The following NCKAP5 variants were observed in gnomAD, a reference collection of about 807,000 sequenced individuals.
The protein encoded by NCKAP5 is nck-associated protein 5.
In NCKAP5, 92 loss-of-function variants were observed where a neutral mutation model predicts 167.0. The observed-to-expected ratio is 0.55, with a 90% CI of 0.47 to 0.66. The LOEUF is 0.66. Ranked by LOEUF, NCKAP5 falls within the 30% of genes least tolerant of loss-of-function variation. NCKAP5 has a pLI of 0.00. For missense variants in NCKAP5, 2,378 were observed against 2,315.0 expected (o/e 1.03, Z -0.56); for synonymous variants, 891 against 877.4 (o/e 1.02, Z -0.27).
rs1034600890 is a variant in NCKAP5 at position 133,200,043 on chromosome 2, T to C, written c.207+13673A>G. 4.8e-5 allele frequency among the ~76,000 whole-genome samples: 7 copies of C among 144,928 alleles called. No homozygotes were observed. In the East Asian group the frequency reaches 8.0e-4, roughly 16 times the overall value. ...AATGCAATTCCTATCAAAATCCCAG[T>C]TGGCTTTTTTTTTCTTTCTTTTTTT... is the stretch of plus-strand genomic sequence containing the variant. On this transcript the variant is annotated intron_variant, in intron 5 of 19. Coordinates refer to ENST00000409261, the MANE Select transcript of NCKAP5 (RefSeq NM_207363.3).
intron 11 of NCKAP5, among the ~76,000 whole-genome samples, chr2:132,859,423 T>G (rs1228278874): frequency 6.6e-6 from 1 of 152,160 alleles, no homozygotes; most frequent in Non-Finnish European, 1.5e-5. Context: ...CTTTCCACAA[T>G]GATGATAATG....
At chr2:133,627,131 C>A in the NCKAP5 span, among the ~76,000 whole-genome samples, 1 of 151,540 alleles carries the variant, frequency 6.6e-6, no homozygotes. Context: ...TCTTTAAAAA[C>A]AAAAAGCTAG....
chr2:133,072,533 A>G (rs1053801201), intron 6 of NCKAP5, among the ~76,000 whole-genome samples: 3 of 152,164 alleles, frequency 2.0e-5, no homozygotes, highest in African/African-American at 7.2e-5. Context: ...AGAGCCAGGT[A>G]CTTACAAGGA....
intron 4 of NCKAP5, among the ~76,000 whole-genome samples, chr2:133,288,124 G>T (rs183229334): frequency 6.6e-6 from 1 of 152,182 alleles, no homozygotes; most frequent in African/African-American, 2.4e-5. Flanking sequence ...TGACTTCCTG[G>T]ATAACCAATT....
intron 16 of NCKAP5, among the ~76,000 whole-genome samples, chr2:132,770,093 G>T (rs1681892148): frequency 6.6e-6 from 1 of 152,170 alleles, no homozygotes; most frequent in Admixed American, 6.5e-5. Context: ...AAGTAGGCTT[G>T]ATCCTGTCCT....
rs1265794750 is a variant in NCKAP5 at position 132,781,145 on chromosome 2, G to A, written c.4956C>T (p.Gly1652=). The A allele has an allele frequency of 1.2e-6, 2 of 1,613,928 alleles. No individual in the cohort carries two copies. The highest frequency in any genetic ancestry group is 1.7e-6 in the Non-Finnish European group (2 of 1,179,872). ...TGATAGAGCTGCCGATGAGACAGGAGCCCTGAGAACTGCCCTTTAACACAT... is the reference window on the plus strand; with the variant it reads ...TGATAGAGCTGCCGATGAGACAGGAACCCTGAGAACTGCCCTTTAACACAT... ...CRNVLKGSSQ[G]SCLIGSSIST... Residue 1652 remains glycine, a synonymous_variant, in exon 15 of 20, where the codon GGC becomes GGT. Transcript: ENST00000409261.
intron 8 of NCKAP5, among the ~76,000 whole-genome samples, chr2:132,925,274 G>T (rs1293861355): frequency 3.3e-5 from 5 of 152,018 alleles, no homozygotes; most frequent in African/African-American, 1.2e-4. Flanking sequence ...TCTAATGCTG[G>T]CCAGGCACGG....
chr2:133,347,836 G>A (rs1314260244), intron 3 of NCKAP5, among the ~76,000 whole-genome samples: 1 of 152,166 alleles, frequency 6.6e-6, no homozygotes, highest in Non-Finnish European at 1.5e-5. Context: ...CACATGTCAT[G>A]GCATAGCTCT....
intron 4 of NCKAP5, among the ~76,000 whole-genome samples, chr2:133,284,512 G>A (rs920325380): frequency 1.3e-5 from 2 of 152,192 alleles, no homozygotes; most frequent in Non-Finnish European, 2.9e-5. Context: ...CAGATGGCAC[G>A]TGGCCATGAT....
intron 6 of NCKAP5, among the ~76,000 whole-genome samples, chr2:133,115,331 G>A (rs1340508064): frequency 6.6e-6 from 1 of 152,048 alleles, no homozygotes; most frequent in Non-Finnish European, 1.5e-5. Flanking sequence ...CTAAAAATAT[G>A]ACCACTAAAA....
At chr2:132,997,322 C>T (rs1165871361) in intron 6 of NCKAP5, among the ~76,000 whole-genome samples, 1 of 152,130 alleles carries the variant, frequency 6.6e-6, no homozygotes, top group Non-Finnish European at 1.5e-5. Flanking sequence ...GTTACGAGTA[C>T]TCTAAAAATG....
intron 8 of NCKAP5, among the ~76,000 whole-genome samples, chr2:132,916,232 T>C (rs980263361): frequency 6.6e-6 from 1 of 152,052 alleles, no homozygotes; most frequent in Non-Finnish European, 1.5e-5. Flanking sequence ...CACTATATTG[T>C]GCCTTGGGTT....
At chr2:133,510,424 T>C (rs1466927497) in intron 3 of NCKAP5, among the ~76,000 whole-genome samples, 1 of 152,242 alleles carries the variant, frequency 6.6e-6, no homozygotes, top group Non-Finnish European at 1.5e-5. Flanking sequence ...CACACTATTA[T>C]AAATCGCAAT....
Position 133,023,468 on chromosome 2 carries a change from A to C in NCKAP5, c.342-29229T>G, listed in dbSNP as rs554944075. ...TTTTTTATAATTGTACATTTATTTT[A>C]GATTTAGGGGGTACATGTACAGATT... On this transcript the variant is annotated intron_variant, in intron 6 of 19. Transcript: ENST00000409261. Among the ~76,000 whole-genome samples the C allele has an allele frequency of 2.8e-4, 42 of 152,180 alleles. No individual in the cohort carries two copies. In the Middle Eastern group the frequency reaches 0.014, roughly 49 times the overall value.
chr2:132,996,885 G>A lies in NCKAP5; in HGVS notation c.342-2646C>T, dbSNP rs567864564. On this transcript the variant is annotated intron_variant, in intron 6 of 19. Transcript: ENST00000409261. ...TGAAGATTCATAGACCCAAACTCTG[G>A]GAGCAAGAAGCCTGAACTCAATGCC... Among the ~76,000 whole-genome samples the A allele has an allele frequency of 2.6e-5, 4 of 152,300 alleles. No homozygotes were observed. In the East Asian group the frequency reaches 7.7e-4, roughly 29 times the overall value.
chr2:132,885,863 C>G (rs1308813231), intron 8 of NCKAP5, among the ~76,000 whole-genome samples: 2 of 152,222 alleles, frequency 1.3e-5, no homozygotes, highest in Non-Finnish European at 2.9e-5. Context: ...AGGTAGACTA[C>G]TAGCTCTACA....
At chr2:132,768,701 G>A (rs565217063) in intron 16 of NCKAP5, among the ~76,000 whole-genome samples, 1,640 of 147,438 alleles carry the variant, frequency 0.011, 18 homozygotes, top group Non-Finnish European at 0.018. Flanking sequence ...GTGCAGTGGC[G>A]CGATCTCGGC....
intron 16 of NCKAP5, among the ~76,000 whole-genome samples, chr2:132,752,363 C>T (rs563929703): frequency 6.6e-6 from 1 of 152,316 alleles, no homozygotes; most frequent in South Asian, 2.1e-4. Flanking sequence ...AATTCAGACT[C>T]AGTCTAAAAA....
chr2:133,255,303 A>G (rs1045433822), intron 4 of NCKAP5, among the ~76,000 whole-genome samples: 9 of 152,192 alleles, frequency 5.9e-5, no homozygotes, highest in African/African-American at 2.2e-4. Context: ...TTGTTTCCAG[A>G]GCTTTGGGAC....
Sources: gnomAD v4.1 joint callset for allele counts (sites outside exome capture counted in the v4.1 genomes callset) on GRCh38, gnomAD v4.1.1 for gene constraint, MANE v1.5 for transcripts, NCBI Gene and HGNC (gene_info 2026-07-23, HGNC 2026-07-21) for gene names.